The following MAST2 variants were observed in gnomAD, a reference collection of about 807,000 sequenced individuals.
The protein encoded by MAST2 is microtubule-associated serine/threonine-protein kinase 2.
A neutral mutation model predicts 147.4 loss-of-function variants in MAST2; 70 were observed. That is an observed-to-expected ratio of 0.47 (90% CI 0.39 to 0.58). MAST2 has a LOEUF of 0.58. Among genes scored for constraint, MAST2 ranks in the 20% least tolerant of loss-of-function variants. MAST2 has a pLI of 0.00. For synonymous variants in MAST2, 869 were observed against 896.8 expected (o/e 0.97, Z 0.55); for missense variants, 2,080 against 2,302.3 (o/e 0.90, Z 1.98).
At chr1:45,997,224 A>G (rs1270963644) in intron 5 of MAST2, among the ~76,000 whole-genome samples, 5 of 152,216 alleles carry the variant, frequency 3.3e-5, no homozygotes, top group Admixed American at 6.5e-5. Flanking sequence ...AAGGTTTACT[A>G]CTATCCTGAG....
chr1:46,019,067 C>T (rs999968842), intron 10 of MAST2, among the ~76,000 whole-genome samples: 80 of 152,268 alleles, frequency 5.3e-4, no homozygotes, highest in African/African-American at 1.8e-3. Context: ...CACGTCTATC[C>T]CCTTGTCTGC....
intron 3 of MAST2, among the ~76,000 whole-genome samples, chr1:45,861,832 T>G (rs1427528465): frequency 6.6e-6 from 1 of 152,238 alleles, no homozygotes; most frequent in Admixed American, 6.5e-5. Flanking sequence ...GTTGGGCTTT[T>G]GCTCCTACCA....
chr1:45,870,861 C>T (rs376844111), intron 3 of MAST2, among the ~76,000 whole-genome samples: 1 of 151,678 alleles, frequency 6.6e-6, no homozygotes, highest in Non-Finnish European at 1.5e-5. Context: ...CCTAGGAGGT[C>T]GATGCTGCCG....
intron 1 of MAST2, among the ~76,000 whole-genome samples, chr1:45,809,890 C>T (rs1374409430): frequency 1.3e-5 from 2 of 152,166 alleles, no homozygotes; most frequent in African/African-American, 4.8e-5. Flanking sequence ...AGTCTTATCT[C>T]ATTTTGTTTC....
At chr1:45,925,094 G>A (rs1654153534) in intron 4 of MAST2, among the ~76,000 whole-genome samples, 1 of 152,190 alleles carries the variant, frequency 6.6e-6, no homozygotes, top group Admixed American at 6.5e-5. Context: ...GTGTCCCCTT[G>A]CATCATAGTG....
At chr1:45,972,307 A>C (rs1198801605) in intron 5 of MAST2, among the ~76,000 whole-genome samples, 1 of 152,254 alleles carries the variant, frequency 6.6e-6, no homozygotes, top group Admixed American at 6.5e-5. Context: ...TGTGGTGGGC[A>C]GATACACTGG....
Position 46,006,395 on chromosome 1 carries a change from G to C in MAST2, c.902G>C (p.Ser301Thr). The change falls in exon 8 of 29, where the codon AGT becomes ACT. Residue 301 changes from serine to threonine, a missense_variant and splice_region_variant. Ser to Thr is a moderately conservative substitution (Grantham distance 58). Transcript: ENST00000361297. ...ATGCGGCCTCGCTCCCGGAGCCTCA[G>C]GTGAGGGTGCTCTCTGCCCACTGTT... is the stretch of plus-strand genomic sequence containing the variant. ...PAMRPRSRSL[S>T]PGRSPVSFDS... 6.2e-7 allele frequency: 1 copy of C among 1,611,590 alleles called. No individual in the cohort carries two copies. The highest frequency in any genetic ancestry group is 8.5e-7 in the Non-Finnish European group (1 of 1,178,518).
At chr1:46,018,352 A>G (rs928798369) in intron 10 of MAST2, among the ~76,000 whole-genome samples, 2 of 152,188 alleles carry the variant, frequency 1.3e-5, no homozygotes, top group Non-Finnish European at 2.9e-5. Flanking sequence ...CAGTGCACCC[A>G]GCTGCCTGCT....
intron 1 of MAST2, among the ~76,000 whole-genome samples, chr1:45,814,397 C>T (rs779648421): frequency 2.0e-5 from 3 of 152,056 alleles, no homozygotes; most frequent in Admixed American, 6.6e-5. Flanking sequence ...TTGATGATCT[C>T]GACCCTGTGT....
At position 46,002,874 on chromosome 1, in the gene MAST2, C is replaced by T. The variant is rs1645330638; in HGVS notation, c.738C>T (p.Ser246=). ...SSGYGTNTPS[S]TVSSSCSSQE... is the part of the protein sequence containing the mutation. ...GATATGGAACTAACACTCCTAGCTC[C>T]ACTGTCTCAGTAAGTAGCCAAATCT... The change falls in exon 7 of 29, where the codon TCC becomes TCT. Residue 246 remains serine (S), a synonymous_variant. Transcript: ENST00000361297. 2 of 1,614,152 alleles carry T rather than the reference C, an allele frequency of 1.2e-6. No individual in the cohort carries two copies. Among genetic ancestry groups the T allele is most frequent in the East Asian group, 4.5e-5 (2 of 44,884 alleles).
chr1:45,997,787 T>C lies in MAST2; in HGVS notation c.656T>C (p.Val219Ala). Residue 219 changes from valine to alanine, a missense_variant, in exon 6 of 29, where the codon GTT becomes GCT. By Grantham distance (64) the Val-to-Ala change is moderately conservative. Transcript: ENST00000361297. The stretch of plus-strand genomic sequence containing the variant: ...AATGCACCTGCTCACTTTTCTTTTG[T>C]TCCTGCCCGTAGGTAAGTTGATAGG... The part of the protein sequence containing the change: ...SPNAPAHFSF[V>A]PARRTDGRRW... 1 of 1,614,164 alleles carries C rather than the reference T, an allele frequency of 6.2e-7. No individual in the cohort carries two copies. The highest frequency in any genetic ancestry group is 8.5e-7 in the Non-Finnish European group (1 of 1,179,980).
rs761618998 is a variant in MAST2, at chr1:46,034,056, G to C, written c.3675-17G>C. On this transcript the variant is annotated splice_polypyrimidine_tract_variant and intron_variant, in intron 27 of 28. Transcript: ENST00000361297. ...TGCTCACTGCACCGACTCAGCCTTT[G>C]ACCCTTATCCCCGCAGCAGAAAAAG... 1 of 1,610,926 alleles carries C rather than the reference G, an allele frequency of 6.2e-7. No individual in the cohort carries two copies. The highest frequency in any genetic ancestry group is 8.5e-7 in the Non-Finnish European group (1 of 1,178,384).
rs1645829354 is a variant in MAST2 at position 46,014,106 on chromosome 1, T to G, written c.1188+3167T>G. Reference sequence around the variant, plus strand: ...AAATAATAGCCATTAGAATCTAAGATATTATTGGTAATTATATCTTCGTTT... The same window carrying G: ...AAATAATAGCCATTAGAATCTAAGAGATTATTGGTAATTATATCTTCGTTT... On this transcript the variant is annotated intron_variant, in intron 10 of 28. Coordinates refer to ENST00000361297, the MANE Select transcript of MAST2 (RefSeq NM_015112.3). 2.0e-5 allele frequency among the ~76,000 whole-genome samples: 3 copies of G among 152,102 alleles called. No individual in the cohort carries two copies. In the South Asian group the frequency reaches 6.2e-4, roughly 32 times the overall value.
intron 2 of MAST2, among the ~76,000 whole-genome samples, chr1:45,825,607 A>G (rs553735796): frequency 2.9e-4 from 44 of 150,106 alleles, no homozygotes; most frequent in African/African-American, 1.1e-3. Context: ...TAATTTTTTT[A>G]TTTTTGGTAG....
chr1:45,888,663 C>CTTTTTTTTTTTTTTT lies in MAST2; in HGVS notation c.500+6290_500+6304dup, dbSNP rs71587722. 8.8e-4 allele frequency among the ~76,000 whole-genome samples: 43 copies of CTTTTTTTTTTTTTTT among 48,716 alleles called. 3 individuals are homozygous for CTTTTTTTTTTTTTTT. Among genetic ancestry groups the CTTTTTTTTTTTTTTT allele is most frequent in the Non-Finnish European group, 1.2e-3 (31 of 25,756 alleles). The allele number at this position is 48,716 out of a possible 152,430, so 32.0% of individuals were successfully genotyped here. On this transcript the variant is annotated intron_variant, in intron 4 of 28. Coordinates refer to ENST00000361297, the MANE Select transcript of MAST2 (RefSeq NM_015112.3). Reference sequence around the variant, plus strand: ...AGGCGTGAGCCACCGCGCGCGGCCTCTTTTTTTTTTTTTTTTTTTTTTTTT... The same window carrying CTTTTTTTTTTTTTTT: ...AGGCGTGAGCCACCGCGCGCGGCCTCTTTTTTTTTTTTTTTTTTTTTTTTTTTTTTTTTTTTTTTT...
At position 45,879,572 on chromosome 1, in the gene MAST2, C is replaced by CAAAAAAA. The variant is rs56115997; in HGVS notation, c.469-2779_469-2773dup. ...TGGGTGACAGAGCGAGACTCCATCT[C>CAAAAAAA]AAAAAAAAAAAAAAAAAAAGGCACC... On this transcript the variant is annotated intron_variant, in intron 3 of 28. Coordinates refer to ENST00000361297, the MANE Select transcript of MAST2 (RefSeq NM_015112.3). Among the ~76,000 whole-genome samples, 4 of 101,706 alleles carry CAAAAAAA rather than the reference C, an allele frequency of 3.9e-5. No individual in the cohort carries two copies. The East Asian group carries it at 8.2e-4, about 21-fold the overall frequency. 66.7% of individuals were successfully genotyped at this position (101,706 alleles called of 152,430 possible). A position where few individuals can be genotyped will look rare whatever the true frequency, so the allele number is the denominator to read the frequency against.
chr1:45,916,060 CCCT>C (rs1371387864), intron 4 of MAST2, among the ~76,000 whole-genome samples: 91 of 152,112 alleles, frequency 6.0e-4, no homozygotes, highest in African/African-American at 2.0e-3. Flanking sequence ...TAGTTGTGTG[CCCT>C]CCTATTTTCT....
At chr1:45,991,882 G>A (rs1473871258) in intron 5 of MAST2, among the ~76,000 whole-genome samples, 1 of 151,812 alleles carries the variant, frequency 6.6e-6, no homozygotes, top group Non-Finnish European at 1.5e-5. Flanking sequence ...TTTTGGTTTT[G>A]TTTTGCTTTT....
intron 5 of MAST2, among the ~76,000 whole-genome samples, chr1:45,995,477 TTAAC>T (rs1217384988): frequency 6.6e-6 from 1 of 152,176 alleles, no homozygotes; most frequent in Non-Finnish European, 1.5e-5. Flanking sequence ...TCAGACAAAT[TTAAC>T]TTGATGAGTA....
Sources: allele counts gnomAD v4.1 joint callset (sites outside exome capture counted in the v4.1 genomes callset), GRCh38; gene constraint gnomAD v4.1.1; transcripts MANE v1.5; gene names NCBI Gene and HGNC (gene_info 2026-07-23, HGNC 2026-07-21).